The following KIF5C variants were observed in gnomAD, a reference collection of about 807,000 sequenced individuals.
The protein encoded by KIF5C is kinesin heavy chain isoform 5C.
Under a neutral mutation model 125.2 loss-of-function variants are expected in KIF5C, and 18 were observed. The ratio of observed to expected loss-of-function variants is 0.14; its 90% CI spans 0.10 to 0.21. The LOEUF is 0.21. KIF5C is among the 10% of genes least tolerant of loss of function. KIF5C has a pLI of 1.00. For missense variants in KIF5C, 780 were observed against 1,183.8 expected (o/e 0.66, Z 5.01); for synonymous variants, 405 against 434.0 (o/e 0.93, Z 0.83).
intron 19 of KIF5C, among the ~76,000 whole-genome samples, chr2:148,999,505 C>T (rs1681785722): frequency 6.6e-6 from 1 of 152,204 alleles, no homozygotes; most frequent in South Asian, 2.1e-4. Context: ...AATGGTGTGA[C>T]CCAGGCTCGG....
intron 6 of KIF5C, 74 bp from the exon 7 acceptor site, chr2:148,942,599 A>C (rs1682433307): frequency 6.5e-7 from 1 of 1,545,046 alleles, no homozygotes; most frequent in Admixed American, 2.0e-5. Flanking sequence ...ATAAACAGGA[A>C]AATGTTTCAG....
In KIF5C at chr2:148,923,601, C is replaced by A. The variant is rs149011058; in HGVS notation, c.217+1374C>A. Among the ~76,000 whole-genome samples, 62 of 152,146 alleles carry A rather than the reference C, an allele frequency of 4.1e-4. No homozygotes were observed. In the East Asian group the frequency reaches 9.8e-3, roughly 24 times the overall value. The stretch of plus-strand genomic sequence containing the variant: ...CTACTCAGCCCTGCTCCCTATTATT[C>A]GACTCATTCATATATTTTTTATTAA... On this transcript the variant is annotated intron_variant, in intron 2 of 25. Coordinates refer to ENST00000435030, the MANE Select transcript of KIF5C (RefSeq NM_004522.3).
Position 149,024,977 on chromosome 2 carries a change from T to G in KIF5C, c.*1907T>G, listed in dbSNP as rs371305497. 6.6e-6 allele frequency: 1 copy of G among 152,208 alleles called. No homozygotes were observed. The highest frequency in any genetic ancestry group is 1.5e-5 in the Non-Finnish European group (1 of 68,026). The allele number at this position is 152,208 out of a possible 1,614,324, so 9.4% of individuals were successfully genotyped here. A position where few individuals can be genotyped will look rare whatever the true frequency, so the allele number is the denominator to read the frequency against. On this transcript the variant is annotated 3_prime_UTR_variant, in exon 26 of 26. Transcript: ENST00000435030. Reference sequence around the variant, plus strand: ...TGGTGTTTGAGAGGATTGCCAATTATTAATTGTCATTACCACTACTCTCCA... The same window carrying G: ...TGGTGTTTGAGAGGATTGCCAATTAGTAATTGTCATTACCACTACTCTCCA...
At chr2:148,904,656 G>T (rs1395963642) in intron 1 of KIF5C, among the ~76,000 whole-genome samples, 1 of 152,098 alleles carries the variant, frequency 6.6e-6, no homozygotes, top group Admixed American at 6.6e-5. Flanking sequence ...GGTGTTTGTT[G>T]TCTATCTTGT....
chr2:148,996,280 G>A (rs185068836), intron 17 of KIF5C, among the ~76,000 whole-genome samples: 72 of 152,354 alleles, frequency 4.7e-4, no homozygotes, highest in Non-Finnish European at 9.6e-4. Context: ...TTGTTTTACA[G>A]TTTGCTCAGT....
In KIF5C at chr2:149,025,213, A is replaced by G. The variant is rs182507375; in HGVS notation, c.*2143A>G. 4 of 152,776 alleles carry G rather than the reference A, an allele frequency of 2.6e-5. No homozygotes were observed. The East Asian group carries it at 7.7e-4, about 29-fold the overall frequency. The allele number at this position is 152,776 out of a possible 1,614,324, so 9.5% of individuals were successfully genotyped here. A position where few individuals can be genotyped will look rare whatever the true frequency, so the allele number is the denominator to read the frequency against. On this transcript the variant is annotated 3_prime_UTR_variant, in exon 26 of 26. Coordinates refer to ENST00000435030, the MANE Select transcript of KIF5C (RefSeq NM_004522.3). ...TTTACTTGATCTCTACAAGGGACTG[A>G]CAACATTTGCTTTACTTTTATTCAC...
At chr2:148,988,730 G>T (rs1394748096) in intron 15 of KIF5C, among the ~76,000 whole-genome samples, 1 of 152,210 alleles carries the variant, frequency 6.6e-6, no homozygotes, top group Admixed American at 6.5e-5. Context: ...CTTAAAGATT[G>T]CATGCTTTTC....
Position 148,950,579 on chromosome 2 carries a change from C to T in KIF5C, c.968+117C>T, listed in dbSNP as rs372028344. 406 of 1,362,812 alleles carry T rather than the reference C, an allele frequency of 3.0e-4. 1 individual carries two copies. Among genetic ancestry groups the T allele is most frequent in the Non-Finnish European group, 3.4e-4 (353 of 1,041,652 alleles). The allele number at this position is 1,362,812 out of a possible 1,614,324, so 84.4% of individuals were successfully genotyped here. Reference sequence around the variant, plus strand: ...ATCCCAGCACTTTGGGAGGCCAAGGCGGGTGGATTGCCTGAGGTCAGGAGT... The same window carrying T: ...ATCCCAGCACTTTGGGAGGCCAAGGTGGGTGGATTGCCTGAGGTCAGGAGT... On this transcript the variant is annotated intron_variant, in intron 10 of 25. Transcript: ENST00000435030.
chr2:148,938,227 A>T (rs773434262), intron 4 of KIF5C, among the ~76,000 whole-genome samples: 9 of 152,162 alleles, frequency 5.9e-5, no homozygotes, highest in Non-Finnish European at 2.9e-5. Context: ...GTGGAGGATG[A>T]AGTGTGGAGG....
At chr2:148,931,662 C>A (rs1367820528) in intron 3 of KIF5C, among the ~76,000 whole-genome samples, 1 of 151,420 alleles carries the variant, frequency 6.6e-6, no homozygotes, top group East Asian at 1.9e-4. Context: ...GACTCCGTCT[C>A]AAAAAAAATA....
intron 11 of KIF5C, among the ~76,000 whole-genome samples, chr2:148,968,929 C>T (rs1054851660): frequency 5.9e-5 from 9 of 152,108 alleles, no homozygotes; most frequent in East Asian, 1.9e-4. Context: ...AAGAAAGCAC[C>T]TCGTTTGCCA....
chr2:149,012,986 G>T (rs565693975), intron 25 of KIF5C, among the ~76,000 whole-genome samples: 44 of 152,326 alleles, frequency 2.9e-4, no homozygotes, highest in African/African-American at 1.0e-3. Flanking sequence ...AGTGGTCATC[G>T]AACTTTGGTG....
chr2:148,991,184 C>T lies in KIF5C; in HGVS notation c.1891C>T (p.Leu631=), dbSNP rs1681516592. The change falls in exon 16 of 26, where the codon CTG becomes TTG. Residue 631 remains leucine (L), a synonymous_variant. Transcript: ENST00000435030. ...CGAGCGGGAGCTGGCAGCCTGCCAG[C>T]TGCTCATCTCCCAGGTGGGCCCTTC... ...ASERELAACQ[L]LISQHEAKIK... 3 of 1,613,640 alleles carry T rather than the reference C, an allele frequency of 1.9e-6. No individual in the cohort carries two copies. The highest frequency in any genetic ancestry group is 2.5e-6 in the Non-Finnish European group (3 of 1,179,742).
At chr2:148,933,738 ACAT>A (rs1432174406) in intron 3 of KIF5C, among the ~76,000 whole-genome samples, 56 of 150,860 alleles carry the variant, frequency 3.7e-4, no homozygotes, top group Admixed American at 5.9e-4. Context: ...CCTCCCACAT[ACAT>A]CATACACACG....
chr2:148,899,344 A>G (rs941038873), intron 1 of KIF5C, among the ~76,000 whole-genome samples: 7 of 152,212 alleles, frequency 4.6e-5, no homozygotes, highest in Non-Finnish European at 7.3e-5. Context: ...AAGTAAAGCA[A>G]ATTAAAGAGA....
At chr2:148,883,347 A>C (rs1484614383) in intron 1 of KIF5C, among the ~76,000 whole-genome samples, 2 of 152,040 alleles carry the variant, frequency 1.3e-5, no homozygotes, top group Non-Finnish European at 2.9e-5. Flanking sequence ...TAAAAATACA[A>C]AAAATTAGCC....
intron 18 of KIF5C, chr2:148,997,542 T>C: frequency 2.2e-6 from 2 of 921,634 alleles, no homozygotes; most frequent in Non-Finnish European, 3.2e-6. Context: ...AAGATGTCTG[T>C]AGAGAATGGT....
At chr2:148,955,403 TC>T (rs1312301703) in intron 10 of KIF5C, among the ~76,000 whole-genome samples, 1 of 152,120 alleles carries the variant, frequency 6.6e-6, no homozygotes. Flanking sequence ...CATCATCCAC[TC>T]AGTTAAAGGC....
chr2:148,929,480 T>A, intron 3 of KIF5C, 126 bp downstream of exon 3: 1 of 618,036 alleles, frequency 1.6e-6, no homozygotes, highest in Non-Finnish European at 2.8e-6. Context: ...TTTGGCCAAT[T>A]AATTATGTCT....
Sources: gnomAD v4.1 joint callset for allele counts (sites outside exome capture counted in the v4.1 genomes callset) on GRCh38, gnomAD v4.1.1 for gene constraint, MANE v1.5 for transcripts, NCBI Gene and HGNC (gene_info 2026-07-23, HGNC 2026-07-21) for gene names.